SPG7: variants seen among roughly 807,000 people sequenced by gnomAD.
SPG7 encodes the protein SPG7 matrix AAA peptidase subunit, paraplegin, also known as mitochondrial inner membrane m-AAA protease component paraplegin.
SPG7 carries 103 observed loss-of-function variants against 81.9 expected under a neutral mutation model. That is an observed-to-expected ratio of 1.26 (90% CI 1.07 to 1.48). SPG7 has a LOEUF of 1.48. Among genes scored for constraint, SPG7 ranks in the 40% most tolerant of loss-of-function variants. The pLI, the probability that SPG7 is intolerant of heterozygous loss-of-function variation, is 0.00. For missense variants in SPG7, 1,241 were observed against 1,087.3 expected, an observed-to-expected ratio of 1.14 and a Z score of -1.99; for synonymous variants, 534 against 444.2, an observed-to-expected ratio of 1.20 and a Z score of -2.54.
chr16:89,554,698 C>G, intron 16 of SPG7, 135 bp downstream of exon 16: 1 of 688,086 alleles, frequency 1.5e-6, no homozygotes, highest in Non-Finnish European at 2.6e-6. Flanking sequence ...TGAATTCTAC[C>G]CAGCTCAACT....
At chr16:89,521,597 G>C (rs2058188621) in intron 3 of SPG7, 1 of 152,146 alleles carries the variant, frequency 6.6e-6, no homozygotes, top group African/African-American at 2.4e-5. Flanking sequence ...TAAAAAATTA[G>C]CCGGGCGCAG....
chr16:89,551,693 AG>A (rs2152411440), intron 13 of SPG7: 1 of 152,382 alleles, frequency 6.6e-6, no homozygotes, highest in African/African-American at 2.4e-5. Flanking sequence ...GTTCGAGACC[AG>A]CCTGGCCAAC....
At position 89,508,695 on chromosome 16, in the gene SPG7, C is replaced by G. The variant is rs1052781242; in HGVS notation, c.183+95C>G. 7.1e-6 allele frequency: 9 copies of G among 1,262,510 alleles called. No individual in the cohort carries two copies. In the African/African-American group the frequency reaches 9.0e-5, roughly 13 times the overall value. 78.2% of individuals were successfully genotyped at this position (1,262,510 alleles called of 1,614,324 possible). ...CGGGTCGGAGGCCGCCTGGCCCCTGCGGCGGGGGAGCCTGCGCCTGTGGGC... is the reference window on the plus strand; with the variant it reads ...CGGGTCGGAGGCCGCCTGGCCCCTGGGGCGGGGGAGCCTGCGCCTGTGGGC... On this transcript the variant is annotated intron_variant, in intron 1 of 16. Coordinates refer to ENST00000645818, the MANE Select transcript of SPG7 (RefSeq NM_003119.4).
chr16:89,516,106 A>G (rs1309084662), intron 3 of SPG7, among the ~76,000 whole-genome samples: 1 of 151,658 alleles, frequency 6.6e-6, no homozygotes, highest in Admixed American at 6.6e-5. Flanking sequence ...TCCTGCCTCA[A>G]CCTCACGAAT....
At chr16:89,512,216 C>T (rs539515065) in intron 2 of SPG7, among the ~76,000 whole-genome samples, 1 of 151,030 alleles carries the variant, frequency 6.6e-6, no homozygotes, top group Non-Finnish European at 1.5e-5. Context: ...TGGCCTCCCC[C>T]ATTTGTAAAC....
intron 9 of SPG7, chr16:89,537,302 A>C: frequency 1.5e-6 from 2 of 1,291,002 alleles, no homozygotes; most frequent in Non-Finnish European, 9.9e-7. Context: ...GGAAGGGCGC[A>C]AGTCAAAGAG....
At chr16:89,526,496 G>T in intron 5 of SPG7, 28 bp downstream of exon 5, 1 of 1,613,746 alleles carries the variant, frequency 6.2e-7, no homozygotes, top group South Asian at 1.1e-5. Flanking sequence ...GTTGATGCTT[G>T]AACTAAACCT....
chr16:89,551,047 G>A (rs185656794), intron 13 of SPG7: 2 of 258,044 alleles, frequency 7.8e-6, no homozygotes, highest in Admixed American at 4.7e-5. Flanking sequence ...TGGCCAACAG[G>A]GCAAAACTGT....
At chr16:89,527,037 G>C (rs2058273446) in intron 5 of SPG7, 2 of 229,596 alleles carry the variant, frequency 8.7e-6, no homozygotes, top group Admixed American at 1.1e-4. Context: ...TGTAACCTAA[G>C]AACATTCTCT....
intron 3 of SPG7, among the ~76,000 whole-genome samples, chr16:89,515,603 G>C (rs1015402928): frequency 6.7e-6 from 1 of 149,336 alleles, no homozygotes; most frequent in African/African-American, 2.5e-5. Flanking sequence ...GGGTAGGTGC[G>C]GTGGCTCACA....
chr16:89,544,851 A>G lies in SPG7; in HGVS notation c.1449+79A>G, dbSNP rs527251883. 3.1e-5 allele frequency: 49 copies of G among 1,557,160 alleles called. No homozygotes were observed. In the East Asian group the frequency reaches 9.7e-4, roughly 31 times the overall value. On this transcript the variant is annotated intron_variant, in intron 10 of 16. Transcript: ENST00000645818. ...TCTGAGTGGTCTGGCCTCTCCTCTAAGACACTTCTTGGTGTGAAGCCTGTC... is the reference window on the plus strand; with the variant it reads ...TCTGAGTGGTCTGGCCTCTCCTCTAGGACACTTCTTGGTGTGAAGCCTGTC...
intron 9 of SPG7, chr16:89,543,338 G>A (rs2058522640): frequency 8.2e-6 from 1 of 121,244 alleles, no homozygotes; most frequent in South Asian, 2.8e-4. Flanking sequence ...GTTTATTGTG[G>A]ACCTTTTCCT....
At chr16:89,509,328 G>T (rs1167430809) in intron 1 of SPG7, among the ~76,000 whole-genome samples, 1 of 151,584 alleles carries the variant, frequency 6.6e-6, no homozygotes, top group Admixed American at 6.6e-5. Flanking sequence ...TTGGCTCACT[G>T]CAACCTCCGC....
At chr16:89,554,042 C>T (rs949724792) in intron 15 of SPG7, 82 bp downstream of exon 15, 57 of 1,500,588 alleles carry the variant, frequency 3.8e-5, no homozygotes, top group South Asian at 3.1e-4. Flanking sequence ...GGGTCGCCCA[C>T]GGCCGCCCCA....
chr16:89,530,971 T>A, intron 7 of SPG7, 163 bp downstream of exon 7: 1 of 895,030 alleles, frequency 1.1e-6, no homozygotes, highest in Non-Finnish European at 1.8e-6. Context: ...CTGGTGCCTG[T>A]TCAACCAGCA....
At chr16:89,543,347 C>CTTTTTTTTTTTTTTTTTTT (rs57995524) in intron 9 of SPG7, 4 of 108,964 alleles carry the variant, frequency 3.7e-5, no homozygotes, top group African/African-American at 7.0e-5. Flanking sequence ...GGACCTTTTC[C>CTTTTTTTTTTTTTTTTTTT]TTTTTTTTTT....
chr16:89,529,200 A>G (rs370200624), intron 5 of SPG7: 12 of 504,384 alleles, frequency 2.4e-5, no homozygotes, highest in African/African-American at 2.3e-4. Flanking sequence ...CTGAAAATAG[A>G]AAAACCTGAA....
chr16:89,531,818 T>C, intron 7 of SPG7, 86 bp from the exon 8 acceptor site: 1 of 1,415,666 alleles, frequency 7.1e-7, no homozygotes, highest in Non-Finnish European at 9.9e-7. Context: ...CACTCCAGCC[T>C]GCGTGACCCA....
chr16:89,516,276 C>T (rs12596362), intron 3 of SPG7, among the ~76,000 whole-genome samples: 65,634 of 151,504 alleles, frequency 0.43, 14,782 homozygotes, highest in East Asian at 0.67. Flanking sequence ...GTGTGAGCCA[C>T]CACGCCCGGC....
Sources: gnomAD v4.1 joint callset for allele counts (sites outside exome capture counted in the v4.1 genomes callset) on GRCh38, gnomAD v4.1.1 for gene constraint, MANE v1.5 for transcripts, NCBI Gene and HGNC (gene_info 2026-07-23, HGNC 2026-07-21) for gene names.